SH3PXD2A: variants seen among roughly 807,000 people sequenced by gnomAD.
SH3PXD2A encodes SH3 and PX domains 2A, also known as SH3 and PX domain-containing protein 2A.
In SH3PXD2A, 32 loss-of-function variants were observed where a neutral mutation model predicts 115.2. The observed-to-expected ratio is 0.28, with a 90% CI of 0.21 to 0.37. The LOEUF (loss-of-function observed/expected upper bound fraction) is 0.37, where lower values mean the gene tolerates loss of function less well. SH3PXD2A is among the 10% of genes least tolerant of loss of function. The pLI, the probability that SH3PXD2A is intolerant of heterozygous loss-of-function variation, is 1.00. For synonymous variants in SH3PXD2A, 610 were observed against 629.1 expected (o/e 0.97, Z 0.45); for missense variants, 1,328 against 1,498.7 (o/e 0.89, Z 1.88).
chr10:103,763,186 C>T (rs1462016024), intron 3 of SH3PXD2A, among the ~76,000 whole-genome samples: 1 of 152,124 alleles, frequency 6.6e-6, no homozygotes, highest in African/African-American at 2.4e-5. Context: ...CATGGTTTCC[C>T]TTTGTCTCTA....
In SH3PXD2A at chr10:103,602,368, G is replaced by A. The variant is rs1294151378; in HGVS notation, c.2850C>T (p.Pro950=). 1 of 1,613,778 alleles carries A rather than the reference G, an allele frequency of 6.2e-7. No individual in the cohort carries two copies. The highest frequency in any genetic ancestry group is 1.7e-5 in the Admixed American group (1 of 60,010). The stretch of plus-strand genomic sequence containing the variant: ...TGCCGAAGCCCCCGGGAGGTTTGGA[G>A]GGGATGGGGGGCGTGGCCTTCTTGC... The part of the protein sequence containing the change: ...NQSKKATPPI[P]SKPPGGFGKT... Residue 950 remains proline, a synonymous_variant, in exon 15 of 15, where the codon CCC becomes CCT. Transcript: ENST00000369774.
intron 5 of SH3PXD2A, among the ~76,000 whole-genome samples, chr10:103,710,766 G>A (rs957537920): frequency 8.5e-5 from 13 of 152,154 alleles, no homozygotes; most frequent in African/African-American, 3.1e-4. Context: ...AGTAAGTGGT[G>A]AGTTTAGGTG....
chr10:103,662,055 C>T lies in SH3PXD2A; in HGVS notation c.473-941G>A, dbSNP rs969688928. 1.2e-5 allele frequency: 8 copies of T among 688,234 alleles called. No homozygotes were observed. The South Asian group carries it at 4.5e-4, about 39-fold the overall frequency. 42.6% of individuals were successfully genotyped at this position (688,234 alleles called of 1,614,324 possible). ...AGAGAGGGCCCTCTGGCTGCAGAGA[C>T]TGACTCAGTTTCTCTCTGCCTTTCA... On this transcript the variant is annotated intron_variant, in intron 7 of 14. Coordinates refer to ENST00000369774, the MANE Select transcript of SH3PXD2A (RefSeq NM_001394015.1).
chr10:103,828,214 A>C (rs567252091), intron 1 of SH3PXD2A, among the ~76,000 whole-genome samples: 4 of 152,334 alleles, frequency 2.6e-5, no homozygotes, highest in Non-Finnish European at 4.4e-5. Flanking sequence ...AGAGAAAGTT[A>C]GTAAGCGAGT....
chr10:103,839,541 C>T (rs948943929), intron 1 of SH3PXD2A, among the ~76,000 whole-genome samples: 6 of 152,070 alleles, frequency 3.9e-5, no homozygotes, highest in Non-Finnish European at 5.9e-5. Context: ...ATGAGAAAAC[C>T]GAGGTGCAGA....
rs777501918 is a variant in SH3PXD2A at position 103,660,964 on chromosome 10, C to G, written c.604+19G>C. 6.8e-6 allele frequency: 11 copies of G among 1,613,346 alleles called. No individual in the cohort carries two copies. The East Asian group carries it at 2.5e-4, about 36-fold the overall frequency. ...CCAGACCGGAACCCCAGTGGACGGCCATTGGCCAGGGCACTCACCGCTCTC... is the reference window on the plus strand; with the variant it reads ...CCAGACCGGAACCCCAGTGGACGGCGATTGGCCAGGGCACTCACCGCTCTC... On this transcript the variant is annotated intron_variant, in intron 8 of 14. Transcript: ENST00000369774.
chr10:103,709,440 G>A (rs1592312736), intron 5 of SH3PXD2A, among the ~76,000 whole-genome samples: 1 of 152,308 alleles, frequency 6.6e-6, no homozygotes, highest in East Asian at 1.9e-4. Flanking sequence ...CTCCCACCTT[G>A]CCTCTCACTG....
At chr10:103,811,243 C>A (rs997447815) in intron 1 of SH3PXD2A, among the ~76,000 whole-genome samples, 2 of 152,206 alleles carry the variant, frequency 1.3e-5, no homozygotes, top group Non-Finnish European at 2.9e-5. Context: ...TAGGCAGTCA[C>A]AGCTCTGTCC....
At chr10:103,751,177 T>G (rs1218430160) in intron 3 of SH3PXD2A, among the ~76,000 whole-genome samples, 3 of 152,228 alleles carry the variant, frequency 2.0e-5, no homozygotes, top group African/African-American at 7.2e-5. Context: ...TATAGAACTT[T>G]GTGGCTTAGA....
At chr10:103,733,527 T>C (rs1027393199) in intron 4 of SH3PXD2A, among the ~76,000 whole-genome samples, 2 of 152,128 alleles carry the variant, frequency 1.3e-5, no homozygotes, top group African/African-American at 4.8e-5. Flanking sequence ...CCAGAAACAG[T>C]GAATGCCTGT....
chr10:103,774,860 TTTAC>T (rs2038862944), intron 2 of SH3PXD2A, among the ~76,000 whole-genome samples: 1 of 152,154 alleles, frequency 6.6e-6, no homozygotes, highest in African/African-American at 2.4e-5. Context: ...TTAGGGTGAG[TTTAC>T]AGTAGGCCTT....
intron 6 of SH3PXD2A, among the ~76,000 whole-genome samples, chr10:103,678,943 C>A (rs1403592416): frequency 6.6e-6 from 1 of 152,220 alleles, no homozygotes; most frequent in Non-Finnish European, 1.5e-5. Flanking sequence ...AATAGCTCCT[C>A]TGAAACAGAA....
At chr10:103,803,853 C>T (rs1030463147) in intron 1 of SH3PXD2A, among the ~76,000 whole-genome samples, 9 of 152,132 alleles carry the variant, frequency 5.9e-5, no homozygotes, top group African/African-American at 1.9e-4. Flanking sequence ...GTACAGCCTG[C>T]GTTATACATT....
rs756487203 is a variant in SH3PXD2A at position 103,627,163 on chromosome 10, A to G, written c.644T>C (p.Val215Ala). 9.9e-6 allele frequency: 16 copies of G among 1,612,942 alleles called. No individual in the cohort carries two copies. The highest frequency in any genetic ancestry group is 1.0e-5 in the Non-Finnish European group (12 of 1,179,128). ...FVSTSEEQGW[V>A]PATYLEAQNG... ...CTGGGCCTCCAGGTAGGTGGCAGGG[A>G]CCCAGCCCTGCTCCTCAGAAGTGCT... The change falls in exon 9 of 15, where the codon GTC (valine) becomes GCC (alanine). Residue 215 changes from valine (V) to alanine (A), a missense_variant. Val to Ala is a moderately conservative substitution (Grantham distance 64). Around this residue, in one of 5 missense-constraint regions of SH3PXD2A, gnomAD observed 509 missense variants for 628.3 expected, o/e 0.81. Transcript: ENST00000369774. The surrounding 1 kb of genome is among the most constrained non-coding windows in gnomAD (Gnocchi z 4.4).
rs910179932 is a variant in SH3PXD2A at position 103,666,362 on chromosome 10, A to T, written c.472+2246T>A. On this transcript the variant is annotated intron_variant, in intron 7 of 14. Transcript: ENST00000369774. The surrounding 1 kb of genome is among the most constrained non-coding windows in gnomAD (Gnocchi z 4.5). ...GCTTTCCCTTCTCTCTACCAATCCC[A>T]GTTTCCCAATTCTCCCCAAGCATCT... is the stretch of plus-strand genomic sequence containing the variant. 6.6e-6 allele frequency among the ~76,000 whole-genome samples: 1 copy of T among 152,090 alleles called. No homozygotes were observed. The highest frequency in any genetic ancestry group is 2.4e-5 in the African/African-American group (1 of 41,406).
At chr10:103,630,244 TC>T in intron 8 of SH3PXD2A, among the ~76,000 whole-genome samples, 1 of 152,148 alleles carries the variant, frequency 6.6e-6, no homozygotes, top group Non-Finnish European at 1.5e-5. Flanking sequence ...GGGATGTTTT[TC>T]CCCCTTCTTG....
chr10:103,715,287 G>C (rs2038092425), intron 5 of SH3PXD2A, among the ~76,000 whole-genome samples: 1 of 152,240 alleles, frequency 6.6e-6, no homozygotes, highest in African/African-American at 2.4e-5. Flanking sequence ...TGGGGAAACA[G>C]ACTGGAAGAG....
chr10:103,607,010 G>A (rs865920733), intron 13 of SH3PXD2A, among the ~76,000 whole-genome samples: 2 of 151,148 alleles, frequency 1.3e-5, no homozygotes, highest in African/African-American at 4.9e-5. Flanking sequence ...GGAAAGTGAG[G>A]AGCGTCTCTG....
intron 1 of SH3PXD2A, among the ~76,000 whole-genome samples, chr10:103,842,820 T>C: frequency 6.6e-6 from 1 of 152,226 alleles, no homozygotes. Flanking sequence ...TTCCCAGCGC[T>C]TGACACATAG....
Sources: gnomAD v4.1 joint callset for allele counts (sites outside exome capture counted in the v4.1 genomes callset) on GRCh38, gnomAD v4.1.1 for gene constraint, gnomAD v4.1.1 regional missense constraint, Gnocchi (gnomAD v3.1) non-coding constraint, MANE v1.5 for transcripts, NCBI Gene and HGNC (gene_info 2026-07-23, HGNC 2026-07-21) for gene names.